Variants in NT5C3A observed in about 807,000 individuals in gnomAD.
NT5C3A encodes the protein 5'-nucleotidase, cytosolic IIIA.
Under a neutral mutation model 40.0 loss-of-function variants are expected in NT5C3A, and 23 were observed. That is an observed-to-expected ratio of 0.58 (90% CI 0.41 to 0.81). The LOEUF is 0.81. NT5C3A is among the 40% of genes least tolerant of loss of function. The pLI, the probability that NT5C3A is intolerant of heterozygous loss-of-function variation, is 0.00. For missense variants in NT5C3A, 328 were observed against 403.0 expected (o/e 0.81, Z 1.59); for synonymous variants, 130 against 141.4 (o/e 0.92, Z 0.57).
At chr7:33,057,617 G>A (rs1787621528) in intron 1 of NT5C3A, among the ~76,000 whole-genome samples, 1 of 152,168 alleles carries the variant, frequency 6.6e-6, no homozygotes, top group Non-Finnish European at 1.5e-5. Context: ...TTAAGTAATA[G>A]TTGACATTAA....
chr7:33,031,184 T>C (rs10269519), intron 1 of NT5C3A, among the ~76,000 whole-genome samples: 1,962 of 151,324 alleles, frequency 0.013, 51 homozygotes, highest in African/African-American at 0.045. Context: ...ATCAATCCAA[T>C]GATAATATTC....
At chr7:33,048,209 G>T (rs1034239979) in intron 1 of NT5C3A, among the ~76,000 whole-genome samples, 4 of 149,796 alleles carry the variant, frequency 2.7e-5, no homozygotes, top group Non-Finnish European at 5.9e-5. Context: ...GTTTTTTTTT[G>T]ATGTATTTGA....
chr7:33,056,705 T>C lies in NT5C3A; in HGVS notation c.138+5863A>G, dbSNP rs1203294548. 2.0e-5 allele frequency among the ~76,000 whole-genome samples: 3 copies of C among 152,052 alleles called. No individual in the cohort carries two copies. In the East Asian group the frequency reaches 5.8e-4, roughly 29 times the overall value. ...ATAAAATAAAGTCTATTTGATTCAC[T>C]AAAGCAGTTGTTTAAAACTTGGGTT... On this transcript the variant is annotated intron_variant, in intron 1 of 8. Transcript: ENST00000610140.
intron 2 of NT5C3A, 149 bp from the exon 3 acceptor site, chr7:33,024,257 C>A (rs868542258): frequency 7.6e-6 from 5 of 657,352 alleles, no homozygotes; most frequent in Admixed American, 7.0e-5. Flanking sequence ...ATTCTCTTTA[C>A]ATTGAATTTT....
At chr7:33,026,678 G>T in intron 2 of NT5C3A, 139 bp downstream of exon 2, 1 of 584,752 alleles carries the variant, frequency 1.7e-6, no homozygotes, top group Non-Finnish European at 3.1e-6. Context: ...TTTTTAAATA[G>T]AGATGGGGTC....
At chr7:33,046,143 CTG>C (rs1325391035) in intron 1 of NT5C3A, 1 of 152,188 alleles carries the variant, frequency 6.6e-6, no homozygotes, top group East Asian at 1.9e-4. Flanking sequence ...TAGTAGATGA[CTG>C]TGAGTGAGAC....
intron 1 of NT5C3A, among the ~76,000 whole-genome samples, chr7:33,036,783 C>G (rs899606479): frequency 1.3e-5 from 2 of 151,876 alleles, no homozygotes; most frequent in African/African-American, 2.4e-5. Flanking sequence ...AATTTTCTTA[C>G]ATTAAAATTT....
intron 1 of NT5C3A, among the ~76,000 whole-genome samples, chr7:33,053,195 GT>G (rs910080071): frequency 6.6e-6 from 1 of 151,664 alleles, no homozygotes; most frequent in African/African-American, 2.4e-5. Context: ...TTTTGTTTTT[GT>G]TTTTTTTCGA....
At chr7:33,054,783 G>A (rs1252301200) in intron 1 of NT5C3A, among the ~76,000 whole-genome samples, 5 of 152,212 alleles carry the variant, frequency 3.3e-5, no homozygotes, top group Admixed American at 2.6e-4. Context: ...GTGGCATCAT[G>A]TCAGCGTTCA....
At chr7:33,038,395 G>A (rs1020549352) in intron 1 of NT5C3A, among the ~76,000 whole-genome samples, 9 of 151,750 alleles carry the variant, frequency 5.9e-5, no homozygotes, top group African/African-American at 2.2e-4. Context: ...AGTTTAAAGG[G>A]GAAAAAAGTC....
At chr7:33,051,172 TA>T (rs1192310670) in intron 1 of NT5C3A, among the ~76,000 whole-genome samples, 3 of 152,132 alleles carry the variant, frequency 2.0e-5, no homozygotes, top group Non-Finnish European at 2.9e-5. Context: ...TTTATTTATT[TA>T]TTTTTTTTGA....
At chr7:33,018,291 G>C (rs1462191962) in intron 6 of NT5C3A, among the ~76,000 whole-genome samples, 2 of 152,164 alleles carry the variant, frequency 1.3e-5, no homozygotes, top group African/African-American at 4.8e-5. Context: ...CAGGAACTTA[G>C]ATGTATTCTC....
intron 6 of NT5C3A, among the ~76,000 whole-genome samples, chr7:33,018,409 CTT>C (rs551197279): frequency 6.8e-4 from 104 of 152,322 alleles, no homozygotes; most frequent in African/African-American, 1.9e-3. Flanking sequence ...GAATGAAACA[CTT>C]ACTAGCTGTC....
At chr7:33,035,869 G>T in intron 1 of NT5C3A, 1 of 1,269,242 alleles carries the variant, frequency 7.9e-7, no homozygotes, top group Non-Finnish European at 1.2e-6. Context: ...TCTGGTTAGA[G>T]ACAGAGGTAA....
At chr7:33,041,556 C>CA (rs1786912750) in intron 1 of NT5C3A, among the ~76,000 whole-genome samples, 2 of 151,932 alleles carry the variant, frequency 1.3e-5, no homozygotes, top group Admixed American at 6.6e-5. Context: ...CAAATGTGGT[C>CA]AAAAAACTGT....
chr7:33,028,932 G>C (rs993192264), intron 1 of NT5C3A, among the ~76,000 whole-genome samples: 1 of 151,886 alleles, frequency 6.6e-6, no homozygotes, highest in Non-Finnish European at 1.5e-5. Flanking sequence ...GCGGGTGCCT[G>C]TAGTCCCAGC....
intron 1 of NT5C3A, among the ~76,000 whole-genome samples, chr7:33,060,527 A>G (rs377718908): frequency 3.9e-5 from 6 of 152,264 alleles, no homozygotes; most frequent in African/African-American, 1.2e-4. Context: ...TGTAGCATAC[A>G]CAACCCACTA....
chr7:33,027,693 C>A (rs1397751160), intron 1 of NT5C3A, among the ~76,000 whole-genome samples: 1 of 152,140 alleles, frequency 6.6e-6, no homozygotes, highest in East Asian at 1.9e-4. Context: ...CATATTTTAA[C>A]CATGAATACC....
intron 1 of NT5C3A, among the ~76,000 whole-genome samples, chr7:33,043,926 A>G (rs1230849572): frequency 1.3e-5 from 2 of 152,210 alleles, no homozygotes; most frequent in Admixed American, 1.3e-4. Flanking sequence ...TAAGAGAAAA[A>G]TAATACTTCC....
Sources: gnomAD v4.1 joint callset for allele counts (sites outside exome capture counted in the v4.1 genomes callset) on GRCh38, gnomAD v4.1.1 for gene constraint, MANE v1.5 for transcripts, NCBI Gene and HGNC (gene_info 2026-07-23, HGNC 2026-07-21) for gene names.